The following SEMA3E variants were observed in gnomAD, a reference collection of about 807,000 sequenced individuals.
SEMA3E encodes semaphorin-3E.
SEMA3E carries 49 observed loss-of-function variants against 93.6 expected under a neutral mutation model. That is an observed-to-expected ratio of 0.52 (90% CI 0.42 to 0.66). The LOEUF (loss-of-function observed/expected upper bound fraction) is 0.66, where lower values mean the gene tolerates loss of function less well. Ranked by LOEUF, SEMA3E falls within the 30% of genes least tolerant of loss-of-function variation. SEMA3E has a pLI of 0.00. For synonymous variants in SEMA3E, 363 were observed against 330.7 expected, an observed-to-expected ratio of 1.10 and a Z score of -1.06; for missense variants, 906 against 964.8, an observed-to-expected ratio of 0.94 and a Z score of 0.81.
At chr7:83,585,105 T>C (rs1792597163) in intron 1 of SEMA3E, among the ~76,000 whole-genome samples, 1 of 152,152 alleles carries the variant, frequency 6.6e-6, no homozygotes, top group Non-Finnish European at 1.5e-5. Context: ...TGCTGTTCCC[T>C]CCATCTGCAC....
intron 1 of SEMA3E, among the ~76,000 whole-genome samples, chr7:83,629,636 C>G (rs1443924688): frequency 6.6e-6 from 1 of 152,122 alleles, no homozygotes; most frequent in Non-Finnish European, 1.5e-5. Flanking sequence ...GCAGACGCCC[C>G]TCCCCCCAAG....
At chr7:83,412,436 T>C (rs1261430392) in intron 5 of SEMA3E, among the ~76,000 whole-genome samples, 1 of 152,092 alleles carries the variant, frequency 6.6e-6, no homozygotes, top group East Asian at 1.9e-4. Flanking sequence ...AAAAAGGTTA[T>C]GAAAGGCTGT....
intron 14 of SEMA3E, among the ~76,000 whole-genome samples, chr7:83,388,324 A>C (rs952352433): frequency 4.5e-5 from 1 of 22,272 alleles, no homozygotes; most frequent in African/African-American, 5.1e-5. Context: ...TAAAAAAATA[A>C]AAAAAAATAT....
intron 11 of SEMA3E, among the ~76,000 whole-genome samples, chr7:83,398,501 A>C (rs1044510097): frequency 7.2e-5 from 11 of 152,236 alleles, no homozygotes; most frequent in Admixed American, 6.5e-4. Flanking sequence ...TGCTAAAGAA[A>C]TCTGATGACA....
intron 12 of SEMA3E, among the ~76,000 whole-genome samples, chr7:83,395,129 C>T (rs73707818): frequency 0.042 from 6,414 of 152,230 alleles, 199 homozygotes; most frequent in African/African-American, 0.079. Flanking sequence ...TTCATACATT[C>T]ACTCAGGCAA....
At chr7:83,486,453 G>A (rs1790257988) in intron 2 of SEMA3E, among the ~76,000 whole-genome samples, 1 of 152,084 alleles carries the variant, frequency 6.6e-6, no homozygotes, top group African/African-American at 2.4e-5. Context: ...AAAAAATTGA[G>A]ACAGTAAAGT....
At chr7:83,502,710 T>A (rs1204587876) in intron 1 of SEMA3E, among the ~76,000 whole-genome samples, 1 of 152,224 alleles carries the variant, frequency 6.6e-6, no homozygotes, top group Non-Finnish European at 1.5e-5. Flanking sequence ...TTGTGTTTTT[T>A]AAAATTTGTT....
intron 13 of SEMA3E, 116 bp from the exon 14 acceptor site, chr7:83,392,837 T>G: frequency 8.4e-6 from 8 of 952,340 alleles, no homozygotes; most frequent in Non-Finnish European, 1.3e-5. Context: ...TTAAATTTAA[T>G]TCACTTAAAT....
At chr7:83,479,078 C>T (rs1199300499) in intron 2 of SEMA3E, among the ~76,000 whole-genome samples, 1 of 152,178 alleles carries the variant, frequency 6.6e-6, no homozygotes, top group Non-Finnish European at 1.5e-5. Flanking sequence ...GTATTCTTCA[C>T]GAACTAGTCT....
intron 1 of SEMA3E, among the ~76,000 whole-genome samples, chr7:83,504,211 T>C (rs887048031): frequency 1.2e-4 from 19 of 152,216 alleles, no homozygotes; most frequent in African/African-American, 4.3e-4. Context: ...TCATAATTAC[T>C]AAAATGATAG....
At chr7:83,469,905 T>C (rs1789857294) in intron 2 of SEMA3E, among the ~76,000 whole-genome samples, 1 of 152,046 alleles carries the variant, frequency 6.6e-6, no homozygotes, top group South Asian at 2.1e-4. Context: ...CAAGCAATTC[T>C]CCTGCCCCAG....
chr7:83,451,777 T>G (rs1396099895), intron 4 of SEMA3E, among the ~76,000 whole-genome samples: 1 of 152,216 alleles, frequency 6.6e-6, no homozygotes, highest in Non-Finnish European at 1.5e-5. Flanking sequence ...ACCAACCGGT[T>G]TTTAAAAGTA....
chr7:83,456,100 G>T (rs1789472568), intron 4 of SEMA3E, among the ~76,000 whole-genome samples: 1 of 152,202 alleles, frequency 6.6e-6, no homozygotes, highest in Admixed American at 6.5e-5. Context: ...ATAGTAACGT[G>T]CTAATATTCT....
At chr7:83,615,704 G>T (rs1793350837) in intron 1 of SEMA3E, among the ~76,000 whole-genome samples, 1 of 152,096 alleles carries the variant, frequency 6.6e-6, no homozygotes, top group Non-Finnish European at 1.5e-5. Flanking sequence ...CCTAAATGCA[G>T]ATTATAGCAA....
chr7:83,475,414 C>G (rs554419705), intron 2 of SEMA3E, among the ~76,000 whole-genome samples: 2 of 152,246 alleles, frequency 1.3e-5, no homozygotes, highest in Non-Finnish European at 2.9e-5. Context: ...CCCTCCAGGG[C>G]AAATGGAAGA....
At chr7:83,633,978 C>T (rs1793833535) in intron 1 of SEMA3E, among the ~76,000 whole-genome samples, 1 of 152,136 alleles carries the variant, frequency 6.6e-6, no homozygotes, top group African/African-American at 2.4e-5. Flanking sequence ...GCAAAACAAC[C>T]AATGGCAATT....
intron 12 of SEMA3E, among the ~76,000 whole-genome samples, chr7:83,395,159 T>A (rs1383722847): frequency 1.3e-5 from 2 of 152,198 alleles, no homozygotes; most frequent in African/African-American, 4.8e-5. Context: ...TTAAGAGTTT[T>A]CATGGACAAA....
intron 1 of SEMA3E, among the ~76,000 whole-genome samples, chr7:83,570,755 A>G (rs1352391720): frequency 2.0e-5 from 3 of 151,588 alleles, no homozygotes; most frequent in Non-Finnish European, 4.4e-5. Context: ...TAGTTCTTTT[A>G]ATTGGTTCTT....
intron 4 of SEMA3E, among the ~76,000 whole-genome samples, chr7:83,443,231 G>A (rs1409278991): frequency 6.6e-6 from 1 of 152,160 alleles, no homozygotes; most frequent in Non-Finnish European, 1.5e-5. Context: ...TTGGATTGAA[G>A]AAGGGACAAA....
Sources: gnomAD v4.1 joint callset for allele counts (sites outside exome capture counted in the v4.1 genomes callset) on GRCh38, gnomAD v4.1.1 for gene constraint, MANE v1.5 for transcripts, NCBI Gene and HGNC (gene_info 2026-07-23, HGNC 2026-07-21) for gene names.